Variants in CCSER1 observed in about 807,000 individuals in gnomAD.
The protein encoded by CCSER1 is serine-rich coiled-coil domain-containing protein 1.
A neutral mutation model predicts 82.0 loss-of-function variants in CCSER1; 41 were observed. The observed-to-expected ratio is 0.50, with a 90% confidence interval of 0.39 to 0.65. CCSER1 has a LOEUF of 0.65. CCSER1 is among the 30% of genes least tolerant of loss of function. The probability of loss-of-function intolerance (pLI) is 0.00; values close to 1 mark genes in which losing one functional copy is unlikely to be tolerated. For missense variants in CCSER1, 1,119 were observed against 1,064.2 expected, an observed-to-expected ratio of 1.05 and a Z score of -0.72; for synonymous variants, 414 against 383.9, an observed-to-expected ratio of 1.08 and a Z score of -0.92.
At chr4:91,286,553 G>T (rs115696520) in intron 10 of CCSER1, among the ~76,000 whole-genome samples, 1,689 of 151,676 alleles carry the variant, frequency 0.011, 15 homozygotes, top group Non-Finnish European at 0.019. Flanking sequence ...ATCATGTGTT[G>T]GTATAACCTT....
chr4:91,421,593 C>A (rs1753686343), intron 10 of CCSER1, among the ~76,000 whole-genome samples: 1 of 151,794 alleles, frequency 6.6e-6, no homozygotes, highest in Admixed American at 6.6e-5. Context: ...ATAGACACAC[C>A]CAGATAAAAC....
intron 1 of CCSER1, among the ~76,000 whole-genome samples, chr4:90,147,476 T>G (rs1726029455): frequency 6.6e-6 from 1 of 152,154 alleles, no homozygotes; most frequent in African/African-American, 2.4e-5. Context: ...ATCTAGTAAT[T>G]ATAGATATAA....
intron 7 of CCSER1, among the ~76,000 whole-genome samples, chr4:90,814,664 T>A (rs1758768074): frequency 6.6e-6 from 1 of 152,154 alleles, no homozygotes; most frequent in Non-Finnish European, 1.5e-5. Flanking sequence ...TTAAATCATG[T>A]CTCTCTAGTT....
intron 10 of CCSER1, among the ~76,000 whole-genome samples, chr4:91,300,339 AC>A (rs1403416542): frequency 2.0e-5 from 3 of 151,946 alleles, no homozygotes; most frequent in African/African-American, 7.2e-5. Context: ...TAGATGAATT[AC>A]AACTCTGAAT....
intron 5 of CCSER1, among the ~76,000 whole-genome samples, chr4:90,506,281 G>GA (rs1770669633): frequency 6.6e-6 from 1 of 151,578 alleles, no homozygotes; most frequent in African/African-American, 2.4e-5. Flanking sequence ...CTTATAATCA[G>GA]AAAAAAATGC....
intron 9 of CCSER1, among the ~76,000 whole-genome samples, chr4:91,031,989 C>T (rs1199456881): frequency 1.3e-5 from 2 of 151,960 alleles, no homozygotes; most frequent in Non-Finnish European, 1.5e-5. Context: ...ACTTCTGAGT[C>T]ATAAATATTT....
intron 3 of CCSER1, among the ~76,000 whole-genome samples, chr4:90,333,653 C>A (rs1452659029): frequency 6.6e-6 from 1 of 152,110 alleles, no homozygotes; most frequent in Non-Finnish European, 1.5e-5. Context: ...CCACAATTGT[C>A]AAAGTGTAAT....
chr4:91,417,053 A>G (rs1753408383), intron 10 of CCSER1, among the ~76,000 whole-genome samples: 1 of 152,212 alleles, frequency 6.6e-6, no homozygotes, highest in African/African-American at 2.4e-5. Flanking sequence ...AAGGACATAA[A>G]TGGACACTTC....
chr4:91,536,817 T>A (rs1475926666), intron 10 of CCSER1, among the ~76,000 whole-genome samples: 1 of 152,082 alleles, frequency 6.6e-6, no homozygotes, highest in African/African-American at 2.4e-5. Context: ...TTCCCTATGT[T>A]TTTTTACTAT....
Position 90,198,144 on chromosome 4 carries a change from C to T in CCSER1, c.-42+70313C>T, listed in dbSNP as rs139497559. Among the ~76,000 whole-genome samples the T allele has an allele frequency of 6.6e-5, 10 of 152,252 alleles. No homozygotes were observed. The East Asian group carries it at 1.9e-3, about 29-fold the overall frequency. ...TTATTTGGAGTCTTCATTACCTAGG[C>T]ATGATTGATTAAATCATTGGCCATT... is the stretch of plus-strand genomic sequence containing the variant. On this transcript the variant is annotated intron_variant, in intron 1 of 10. Transcript: ENST00000509176.
intron 10 of CCSER1, among the ~76,000 whole-genome samples, chr4:91,475,000 G>A (rs950562014): frequency 6.6e-6 from 1 of 151,558 alleles, no homozygotes; most frequent in African/African-American, 2.4e-5. Flanking sequence ...TAATAAAGGT[G>A]GGTTAGGGTC....
At chr4:91,178,863 T>G (rs570229041) in intron 10 of CCSER1, among the ~76,000 whole-genome samples, 2 of 152,328 alleles carry the variant, frequency 1.3e-5, no homozygotes, top group Admixed American at 1.3e-4. Context: ...CTGGATATTT[T>G]GCTCATTATT....
chr4:90,663,024 T>A (rs1024385305), intron 6 of CCSER1, among the ~76,000 whole-genome samples: 2 of 152,206 alleles, frequency 1.3e-5, no homozygotes, highest in South Asian at 4.1e-4. Context: ...TATGTTTTTG[T>A]TCTCTATAAT....
At position 91,165,293 on chromosome 4, in the gene CCSER1, C is replaced by A. The variant is rs192160163; in HGVS notation, c.2217+79299C>A. On this transcript the variant is annotated intron_variant, in intron 10 of 10. Transcript: ENST00000509176. The stretch of plus-strand genomic sequence containing the variant: ...CAGAACAGCAAATATTTCAGAACAG[C>A]AAATACTGCTGCCTGATCCTTCCTC... Among the ~76,000 whole-genome samples the A allele has an allele frequency of 4.3e-3, 659 of 152,248 alleles. 5 individuals carry two copies. Among genetic ancestry groups the A allele is most frequent in the African/African-American group, 0.015 (619 of 41,544 alleles).
chr4:91,039,507 T>C (rs1369202668), intron 9 of CCSER1, among the ~76,000 whole-genome samples: 1 of 152,310 alleles, frequency 6.6e-6, no homozygotes. Context: ...TACCTTGTTC[T>C]TTCTAATAGC....
intron 7 of CCSER1, among the ~76,000 whole-genome samples, chr4:90,763,706 A>T (rs531928378): frequency 6.4e-4 from 97 of 152,030 alleles, no homozygotes; most frequent in African/African-American, 2.2e-3. Flanking sequence ...AGAACTAGAA[A>T]CTCCTCTGCC....
chr4:91,536,773 T>G (rs1033939585), intron 10 of CCSER1, among the ~76,000 whole-genome samples: 1 of 152,100 alleles, frequency 6.6e-6, no homozygotes, highest in Non-Finnish European at 1.5e-5. Context: ...TCCCCACTGT[T>G]ATTAGCCTTA....
chr4:90,773,366 C>T (rs1275414103), intron 7 of CCSER1, among the ~76,000 whole-genome samples: 1 of 152,168 alleles, frequency 6.6e-6, no homozygotes, highest in Non-Finnish European at 1.5e-5. Context: ...TGAATCGACA[C>T]ATCAGAATTT....
chr4:91,001,297 G>A (rs1463312970), intron 9 of CCSER1, among the ~76,000 whole-genome samples: 1 of 152,044 alleles, frequency 6.6e-6, no homozygotes, highest in Non-Finnish European at 1.5e-5. Context: ...ATGTACTGTG[G>A]AATTTAGTTT....
Sources: gnomAD v4.1 joint callset for allele counts (sites outside exome capture counted in the v4.1 genomes callset) on GRCh38, gnomAD v4.1.1 for gene constraint, MANE v1.5 for transcripts, NCBI Gene and HGNC (gene_info 2026-07-23, HGNC 2026-07-21) for gene names.